KCNIP4: variants seen among roughly 807,000 people sequenced by gnomAD.
The protein encoded by KCNIP4 is potassium voltage-gated channel interacting protein 4.
In KCNIP4, 12 loss-of-function variants were observed where a neutral mutation model predicts 34.0. The ratio of observed to expected loss-of-function variants is 0.35; its 90% confidence interval spans 0.23 to 0.57. KCNIP4 has a LOEUF of 0.57. Among genes scored for constraint, KCNIP4 ranks in the 20% least tolerant of loss-of-function variants. The pLI, the probability that KCNIP4 is intolerant of heterozygous loss-of-function variation, is 0.83. For missense variants in KCNIP4, 238 were observed against 311.7 expected, an observed-to-expected ratio of 0.76 and a Z score of 1.78; for synonymous variants, 124 against 102.2, an observed-to-expected ratio of 1.21 and a Z score of -1.29.
intron 5 of KCNIP4, among the ~76,000 whole-genome samples, chr4:20,744,479 A>T (rs1751954115): frequency 6.6e-6 from 1 of 151,692 alleles, no homozygotes; most frequent in Admixed American, 6.6e-5. Context: ...GACATGGATG[A>T]AGCTGGAAAC....
chr4:21,066,484 T>A (rs904888531), intron 1 of KCNIP4, among the ~76,000 whole-genome samples: 3 of 152,120 alleles, frequency 2.0e-5, no homozygotes, highest in African/African-American at 7.2e-5. Flanking sequence ...GAAAAGACAG[T>A]CTTTAATCAC....
chr4:21,313,214 ATTTTTAGCCCTGGTTAATAAAAATC>A (rs143727293), intron 1 of KCNIP4, among the ~76,000 whole-genome samples: 8,342 of 152,272 alleles, frequency 0.055, 288 homozygotes, highest in Middle Eastern at 0.12. Context: ...ATTTCAACAG[ATTTTTAGCCCTGGTTAATAAAAATC>A]TTAGTTGTGG....
At chr4:21,232,769 T>C (rs1178706155) in intron 1 of KCNIP4, among the ~76,000 whole-genome samples, 1 of 152,142 alleles carries the variant, frequency 6.6e-6, no homozygotes. Flanking sequence ...GTACAGAAGA[T>C]GGATAAGAAA....
chr4:21,867,471 G>A (rs111535454), intron 1 of KCNIP4, among the ~76,000 whole-genome samples: 40 of 152,274 alleles, frequency 2.6e-4, no homozygotes, highest in African/African-American at 7.9e-4. Flanking sequence ...AGTCCAAAAC[G>A]TGCACAATAC....
intron 1 of KCNIP4, among the ~76,000 whole-genome samples, chr4:21,517,217 T>G (rs144351910): frequency 6.6e-6 from 1 of 151,952 alleles, no homozygotes; most frequent in Non-Finnish European, 1.5e-5. Flanking sequence ...AAATAATGAG[T>G]ACAACATACT....
intron 1 of KCNIP4, among the ~76,000 whole-genome samples, chr4:20,973,816 G>A (rs1735215157): frequency 6.6e-6 from 1 of 152,126 alleles, no homozygotes; most frequent in Admixed American, 6.6e-5. Flanking sequence ...TGGCCAGTCA[G>A]TGGAGCAGTC....
intron 3 of KCNIP4, among the ~76,000 whole-genome samples, chr4:20,761,476 CCT>C (rs1243178807): frequency 4.6e-5 from 7 of 152,096 alleles, no homozygotes; most frequent in African/African-American, 1.4e-4. Context: ...GCAGTTAGAC[CCT>C]CTCACACATG....
At chr4:21,157,707 T>C (rs1011967705) in intron 1 of KCNIP4, among the ~76,000 whole-genome samples, 2 of 152,142 alleles carry the variant, frequency 1.3e-5, no homozygotes, top group African/African-American at 4.8e-5. Flanking sequence ...TCACTAAATA[T>C]CTATGTTCGA....
intron 1 of KCNIP4, among the ~76,000 whole-genome samples, chr4:21,596,539 G>C (rs369126358): frequency 2.0e-5 from 3 of 151,954 alleles, no homozygotes; most frequent in East Asian, 3.9e-4. Context: ...GCACTGTTTT[G>C]AAACCCCCCT....
intron 1 of KCNIP4, among the ~76,000 whole-genome samples, chr4:21,094,265 C>T (rs191533469): frequency 6.6e-6 from 1 of 152,180 alleles, no homozygotes; most frequent in Admixed American, 6.5e-5. Flanking sequence ...AAAGAAGTGA[C>T]AACAAAGGTA....
intron 1 of KCNIP4, among the ~76,000 whole-genome samples, chr4:20,982,575 T>C (rs1003868653): frequency 1.7e-4 from 26 of 152,232 alleles, no homozygotes; most frequent in Admixed American, 1.3e-3. Flanking sequence ...CAGAACTTAT[T>C]GAGAATAAAG....
chr4:21,416,053 C>T (rs1724929945), intron 1 of KCNIP4, among the ~76,000 whole-genome samples: 1 of 152,226 alleles, frequency 6.6e-6, no homozygotes, highest in Admixed American at 6.5e-5. Context: ...GGCTGGAAGG[C>T]ACAGCCATGT....
intron 1 of KCNIP4, among the ~76,000 whole-genome samples, chr4:21,446,079 A>G (rs1727960490): frequency 6.6e-6 from 1 of 151,938 alleles, no homozygotes; most frequent in Non-Finnish European, 1.5e-5. Context: ...ATGAGATACC[A>G]TCTCACACCG....
chr4:20,802,477 A>C (rs1245815326), intron 3 of KCNIP4, among the ~76,000 whole-genome samples: 1 of 152,044 alleles, frequency 6.6e-6, no homozygotes, highest in Non-Finnish European at 1.5e-5. Flanking sequence ...GATATAATGG[A>C]CTCAAATTGC....
At chr4:20,754,395 G>A (rs992931562) in intron 4 of KCNIP4, among the ~76,000 whole-genome samples, 7 of 152,112 alleles carry the variant, frequency 4.6e-5, no homozygotes, top group Admixed American at 2.6e-4. Flanking sequence ...TTCATAATGA[G>A]AAAAACTGTT....
At chr4:20,846,206 G>T (rs140058199) in intron 3 of KCNIP4, among the ~76,000 whole-genome samples, 26 of 152,310 alleles carry the variant, frequency 1.7e-4, no homozygotes, top group African/African-American at 5.3e-4. Context: ...AGAAAAGGAA[G>T]CAGGGGAAGA....
At chr4:21,866,762 A>ATTTTTT (rs770568451) in intron 1 of KCNIP4, among the ~76,000 whole-genome samples, 92 of 82,706 alleles carry the variant, frequency 1.1e-3, no homozygotes, top group South Asian at 1.7e-3. Flanking sequence ...TTCAGCCTGG[A>ATTTTTT]TTTTTTTTTT....
intron 1 of KCNIP4, among the ~76,000 whole-genome samples, chr4:21,096,286 GA>G (rs1043768429): frequency 3.3e-5 from 5 of 151,796 alleles, no homozygotes; most frequent in Non-Finnish European, 7.4e-5. Flanking sequence ...CACTTGCATA[GA>G]AAAAAAATTC....
intron 1 of KCNIP4, among the ~76,000 whole-genome samples, chr4:21,576,939 TTTA>T (rs1323277612): frequency 6.6e-6 from 1 of 152,158 alleles, no homozygotes; most frequent in East Asian, 1.9e-4. Context: ...AGTAATAGAA[TTTA>T]TTATTTATTG....
Sources: allele counts gnomAD v4.1 joint callset (sites outside exome capture counted in the v4.1 genomes callset), GRCh38; gene constraint gnomAD v4.1.1; transcripts MANE v1.5; gene names NCBI Gene and HGNC (gene_info 2026-07-23, HGNC 2026-07-21).